Variants in THSD4 observed in about 807,000 individuals in gnomAD.
THSD4 encodes thrombospondin type-1 domain-containing protein 4.
Under a neutral mutation model 119.0 loss-of-function variants are expected in THSD4, and 69 were observed. The observed-to-expected ratio is 0.58, with a 90% CI of 0.48 to 0.71. The LOEUF (loss-of-function observed/expected upper bound fraction) is 0.71, where lower values mean the gene tolerates loss of function less well. Among genes scored for constraint, THSD4 ranks in the 30% least tolerant of loss-of-function variants. The pLI, the probability that THSD4 is intolerant of heterozygous loss-of-function variation, is 0.00. For missense variants in THSD4, 1,393 were observed against 1,391.1 expected (o/e 1.00, Z -0.02); for synonymous variants, 524 against 540.4 (o/e 0.97, Z 0.42).
At chr15:71,262,214 T>C (rs1043275999) in intron 6 of THSD4, among the ~76,000 whole-genome samples, 1 of 152,198 alleles carries the variant, frequency 6.6e-6, no homozygotes, top group Admixed American at 6.5e-5. Context: ...AGCCTTTAAT[T>C]GCATTTCCTG....
chr15:71,473,863 C>T (rs1417025132), intron 7 of THSD4, among the ~76,000 whole-genome samples: 2 of 152,218 alleles, frequency 1.3e-5, no homozygotes, highest in African/African-American at 2.4e-5. Context: ...TCAGTATCAC[C>T]TGGGCACATT....
chr15:71,569,466 A>G (rs986104931), intron 7 of THSD4, among the ~76,000 whole-genome samples: 1 of 152,222 alleles, frequency 6.6e-6, no homozygotes, highest in Non-Finnish European at 1.5e-5. Flanking sequence ...CCTTCATTCT[A>G]AAAAGAATTT....
At chr15:71,776,507 A>G (rs1006847072) in intron 17 of THSD4, among the ~76,000 whole-genome samples, 1 of 152,246 alleles carries the variant, frequency 6.6e-6, no homozygotes, top group East Asian at 1.9e-4. Context: ...TCACTAGCTC[A>G]GCAAAAACTA....
At chr15:71,214,421 G>A (rs950444041) in intron 3 of THSD4, among the ~76,000 whole-genome samples, 7 of 152,198 alleles carry the variant, frequency 4.6e-5, no homozygotes, top group Admixed American at 2.0e-4. Flanking sequence ...GAAGGTCTGC[G>A]GCTTCATTCT....
At chr15:71,749,697 T>TTTTTTAATTTATTTA (rs748022578) in intron 14 of THSD4, among the ~76,000 whole-genome samples, 1 of 137,630 alleles carries the variant, frequency 7.3e-6, no homozygotes, top group African/African-American at 2.7e-5. Context: ...ATTTTTAAAT[T>TTTTTTAATTTATTTA]TTTATTTATT....
At chr15:71,154,399 A>G (rs1264400674) in intron 2 of THSD4, among the ~76,000 whole-genome samples, 2 of 152,210 alleles carry the variant, frequency 1.3e-5, no homozygotes, top group Admixed American at 6.5e-5. Flanking sequence ...CATGAGCTGT[A>G]AGGAGAGGAA....
At chr15:71,298,621 T>C (rs1187839874) in intron 6 of THSD4, among the ~76,000 whole-genome samples, 1 of 147,398 alleles carries the variant, frequency 6.8e-6, no homozygotes, top group Non-Finnish European at 1.5e-5. Context: ...TTTTTTTTTT[T>C]TTTTTTTTTG....
intron 7 of THSD4, among the ~76,000 whole-genome samples, chr15:71,428,875 G>A (rs532890555): frequency 1.1e-4 from 16 of 152,218 alleles, no homozygotes; most frequent in South Asian, 4.2e-4. Context: ...ATACAGGAGC[G>A]TTTTACAGAC....
At chr15:71,548,101 T>TTTG (rs1555425482) in intron 7 of THSD4, among the ~76,000 whole-genome samples, 1 of 151,708 alleles carries the variant, frequency 6.6e-6, no homozygotes, top group Non-Finnish European at 1.5e-5. Context: ...GGTACAGTTT[T>TTTG]TTTTTTTTTT....
chr15:71,320,617 C>G (rs1052802616), intron 6 of THSD4, among the ~76,000 whole-genome samples: 3 of 152,312 alleles, frequency 2.0e-5, no homozygotes, highest in African/African-American at 2.4e-5. Flanking sequence ...CCCAAGAAAG[C>G]CTGTTCCTGG....
At chr15:71,258,275 T>G (rs558296102) in intron 6 of THSD4, among the ~76,000 whole-genome samples, 2 of 152,214 alleles carry the variant, frequency 1.3e-5, no homozygotes, top group South Asian at 4.2e-4. Context: ...GCCTCCCAGG[T>G]TCAAGCGATT....
intron 7 of THSD4, among the ~76,000 whole-genome samples, chr15:71,467,819 T>G (rs1037478799): frequency 6.6e-6 from 1 of 150,964 alleles, no homozygotes; most frequent in Non-Finnish European, 1.5e-5. Flanking sequence ...TCCCATGATA[T>G]TGAATAAGTC....
At chr15:71,635,629 TTTAA>T (rs2050724583) in intron 7 of THSD4, among the ~76,000 whole-genome samples, 3 of 152,244 alleles carry the variant, frequency 2.0e-5, no homozygotes, top group African/African-American at 7.2e-5. Context: ...TATCAAATGC[TTTAA>T]TTAATGGCAA....
chr15:71,220,696 T>C (rs1419304938), intron 4 of THSD4, among the ~76,000 whole-genome samples: 1 of 152,100 alleles, frequency 6.6e-6, no homozygotes, highest in Non-Finnish European at 1.5e-5. Flanking sequence ...GAGTACCAGT[T>C]AGAACTCAAG....
At chr15:71,456,713 A>C (rs534922305) in intron 7 of THSD4, among the ~76,000 whole-genome samples, 5 of 152,190 alleles carry the variant, frequency 3.3e-5, no homozygotes, top group Non-Finnish European at 7.4e-5. Flanking sequence ...GTTAGGGTAG[A>C]ATGGGGAGGC....
intron 7 of THSD4, among the ~76,000 whole-genome samples, chr15:71,452,103 A>G (rs559991576): frequency 3.3e-5 from 5 of 152,266 alleles, no homozygotes; most frequent in Admixed American, 3.3e-4. Flanking sequence ...CATCCCTGCC[A>G]GGCTCCCAGC....
intron 3 of THSD4, among the ~76,000 whole-genome samples, chr15:71,203,214 G>C (rs909775144): frequency 6.6e-6 from 1 of 152,192 alleles, no homozygotes; most frequent in Admixed American, 6.5e-5. Context: ...AGATGGAGTT[G>C]AAGCTGGAAA....
chr15:71,397,823 T>C (rs557614194), intron 6 of THSD4, among the ~76,000 whole-genome samples: 2 of 152,214 alleles, frequency 1.3e-5, no homozygotes, highest in Non-Finnish European at 2.9e-5. Context: ...ATAGTAATAG[T>C]GTCTACTTCT....
chr15:71,588,044 C>T lies in THSD4; in HGVS notation c.1153-72486C>T, dbSNP rs571904659. ...TGTCATGGCCGGGCGCGGTGGCTCA[C>T]GCCTGTAATCCCAGCACTTTGGGAG... On this transcript the variant is annotated intron_variant, in intron 7 of 17. Transcript: ENST00000261862. 5.1e-3 allele frequency among the ~76,000 whole-genome samples: 779 copies of T among 152,112 alleles called. 5 individuals are homozygous for T. Among genetic ancestry groups the T allele is most frequent in the African/African-American group, 0.018 (745 of 41,518 alleles).
Sources: allele counts gnomAD v4.1 joint callset (sites outside exome capture counted in the v4.1 genomes callset), GRCh38; gene constraint gnomAD v4.1.1; transcripts MANE v1.5; gene names NCBI Gene and HGNC (gene_info 2026-07-23, HGNC 2026-07-21).